The following CFAP54 variants were observed in gnomAD, a reference collection of about 807,000 sequenced individuals.
CFAP54 encodes the protein cilia and flagella associated protein 54.
CFAP54 carries 290 observed loss-of-function variants against 370.4 expected under a neutral mutation model. That is an observed-to-expected ratio of 0.78 (90% CI 0.71 to 0.86). CFAP54 has a LOEUF of 0.86. Among genes scored for constraint, CFAP54 ranks in the 40% least tolerant of loss-of-function variants. The probability of loss-of-function intolerance (pLI) is 0.00; values close to 1 mark genes in which losing one functional copy is unlikely to be tolerated. For synonymous variants in CFAP54, 1,206 were observed against 1,236.5 expected (o/e 0.98, Z 0.52); for missense variants, 3,399 against 3,528.7 (o/e 0.96, Z 0.93).
intron 50 of CFAP54, among the ~76,000 whole-genome samples, chr12:96,724,245 C>T (rs9738298): frequency 0.015 from 2,200 of 150,530 alleles, 58 homozygotes; most frequent in African/African-American, 0.052. Context: ...CCTGAGGAAT[C>T]GCCACACTGA....
chr12:96,505,321 C>T (rs1349659449), intron 3 of CFAP54, among the ~76,000 whole-genome samples: 2 of 151,894 alleles, frequency 1.3e-5, no homozygotes, highest in East Asian at 1.9e-4. Context: ...CTTGGCCTCC[C>T]AAAGTGCTGG....
intron 65 of CFAP54, among the ~76,000 whole-genome samples, chr12:96,818,216 C>A (rs951294422): frequency 1.3e-5 from 2 of 152,156 alleles, no homozygotes; most frequent in Non-Finnish European, 2.9e-5. Context: ...TTACTTTTAT[C>A]TTTTTTCACT....
Position 96,794,234 on chromosome 12 carries a change from A to G in CFAP54, c.8850+1735A>G, listed in dbSNP as rs574170969. Among the ~76,000 whole-genome samples, 10 of 152,302 alleles carry G rather than the reference A, an allele frequency of 6.6e-5. No homozygotes were observed. In the South Asian group the frequency reaches 1.9e-3, roughly 28 times the overall value. The stretch of plus-strand genomic sequence containing the variant: ...TGTGCTTAGATGGTGATACTTTTGC[A>G]ATGAATTTTCATGGTGTTCTTTGAG... On this transcript the variant is annotated intron_variant, in intron 63 of 67. Transcript: ENST00000524981.
chr12:96,639,828 C>T (rs980959152), intron 32 of CFAP54, among the ~76,000 whole-genome samples: 1 of 152,136 alleles, frequency 6.6e-6, no homozygotes, highest in South Asian at 2.1e-4. Context: ...ACGACAAAAA[C>T]CACATGATTA....
chr12:96,871,603 G>A (rs117505687), intron 67 of CFAP54, among the ~76,000 whole-genome samples: 4,315 of 152,226 alleles, frequency 0.028, 86 homozygotes, highest in Non-Finnish European at 0.043. Flanking sequence ...ATTAGAATTA[G>A]CAGATGGAGA....
intron 27 of CFAP54, among the ~76,000 whole-genome samples, chr12:96,623,086 G>T: frequency 6.6e-6 from 1 of 152,100 alleles, no homozygotes; most frequent in East Asian, 1.9e-4. Flanking sequence ...CAGTCCAGCA[G>T]AAGGTTGTGA....
chr12:96,616,487 T>C (rs570782181), intron 26 of CFAP54, among the ~76,000 whole-genome samples: 121 of 152,278 alleles, frequency 7.9e-4, no homozygotes, highest in African/African-American at 2.7e-3. Context: ...GTTGTACACA[T>C]GTACCCTAGA....
At chr12:96,644,065 A>G (rs969270666) in intron 32 of CFAP54, 113 bp from the exon 33 acceptor site, 3 of 705,136 alleles carry the variant, frequency 4.3e-6, no homozygotes, top group African/African-American at 1.8e-5. Context: ...AAACATTAGC[A>G]TAAGGGCAGT....
At chr12:96,720,850 T>C (rs1362269530) in intron 50 of CFAP54, among the ~76,000 whole-genome samples, 1 of 152,060 alleles carries the variant, frequency 6.6e-6, no homozygotes, top group Non-Finnish European at 1.5e-5. Context: ...GAAGAAACCC[T>C]GTCTCTACTA....
chr12:96,663,831 T>C lies in CFAP54; in HGVS notation c.5462T>C (p.Ile1821Thr), dbSNP rs188725606. Reference sequence around the variant, plus strand: ...TTGTTTTCACCTTTCTTTTTAAAGATAACTTGCCGAAATTTCATTGGGAAG... The same window carrying C: ...TTGTTTTCACCTTTCTTTTTAAAGACAACTTGCCGAAATTTCATTGGGAAG... ...ARYEAEYGEK[I>T]TCRNFIGKQL... Residue 1821 changes from isoleucine to threonine, a missense_variant and splice_region_variant, in exon 39 of 68, where the codon ATA (isoleucine) becomes ACA (threonine). Ile to Thr is a moderately conservative substitution (Grantham distance 89). Transcript: ENST00000524981. The C allele has an allele frequency of 6.2e-7, 1 of 1,610,726 alleles. No individual in the cohort carries two copies. Among genetic ancestry groups the C allele is most frequent in the East Asian group, 2.2e-5 (1 of 44,766 alleles).
chr12:96,514,919 G>A (rs7309128), intron 5 of CFAP54, among the ~76,000 whole-genome samples: 2,583 of 151,740 alleles, frequency 0.017, 64 homozygotes, highest in African/African-American at 0.059. Flanking sequence ...AAAGCACAGG[G>A]TACATAAATT....
intron 60 of CFAP54, among the ~76,000 whole-genome samples, chr12:96,767,773 A>G (rs1457345642): frequency 1.3e-5 from 2 of 152,072 alleles, no homozygotes; most frequent in African/African-American, 4.8e-5. Context: ...AACTTGTTTG[A>G]TTTTCCTTGC....
intron 55 of CFAP54, among the ~76,000 whole-genome samples, chr12:96,750,920 A>G (rs1420783131): frequency 6.6e-6 from 1 of 152,234 alleles, no homozygotes; most frequent in East Asian, 1.9e-4. Flanking sequence ...AAAAAGGAGC[A>G]CTTAAATATT....
chr12:96,666,252 C>T (rs1957079398), intron 39 of CFAP54, among the ~76,000 whole-genome samples: 1 of 152,128 alleles, frequency 6.6e-6, no homozygotes, highest in Admixed American at 6.5e-5. Flanking sequence ...TATTCTGTTT[C>T]AAGTCCCATA....
chr12:96,746,078 G>A (rs911979386), intron 55 of CFAP54, among the ~76,000 whole-genome samples: 1 of 152,114 alleles, frequency 6.6e-6, no homozygotes, highest in African/African-American at 2.4e-5. Flanking sequence ...ATGCTGCTGA[G>A]CCTTTTGGCC....
At chr12:96,859,642 T>C (rs1041070100) in intron 66 of CFAP54, among the ~76,000 whole-genome samples, 4 of 152,122 alleles carry the variant, frequency 2.6e-5, no homozygotes, top group Non-Finnish European at 5.9e-5. Context: ...CCTGACCTTG[T>C]GATCCTCCCA....
chr12:96,627,491 T>A lies in CFAP54; in HGVS notation c.4103+552T>A, dbSNP rs12317460. ...TGAATCCAACTTTTCTTTTATCAAC[T>A]GAGAGTGGGCTTTTCTTCACTGGGC... On this transcript the variant is annotated intron_variant, in intron 30 of 67. Coordinates refer to ENST00000524981, the MANE Select transcript of CFAP54 (RefSeq NM_001306084.2). 5.8e-3 allele frequency among the ~76,000 whole-genome samples: 883 copies of A among 152,074 alleles called. 9 individuals are homozygous for A. The highest frequency in any genetic ancestry group is 0.02 in the African/African-American group (839 of 41,486).
At chr12:96,852,830 A>G (rs892503821) in intron 66 of CFAP54, among the ~76,000 whole-genome samples, 2 of 152,082 alleles carry the variant, frequency 1.3e-5, no homozygotes, top group Non-Finnish European at 2.9e-5. Flanking sequence ...TGGACCAAAG[A>G]CCTGTACTTC....
chr12:96,717,881 A>C (rs1422649287), intron 48 of CFAP54, among the ~76,000 whole-genome samples: 2 of 152,214 alleles, frequency 1.3e-5, no homozygotes, highest in African/African-American at 2.4e-5. Flanking sequence ...TACCTAAAAA[A>C]TTCTTTCAGA....
Sources: gnomAD v4.1 joint callset for allele counts (sites outside exome capture counted in the v4.1 genomes callset) on GRCh38, gnomAD v4.1.1 for gene constraint, MANE v1.5 for transcripts, NCBI Gene and HGNC (gene_info 2026-07-23, HGNC 2026-07-21) for gene names.